The following OSBPL8 variants were observed in gnomAD, a reference collection of about 807,000 sequenced individuals.
OSBPL8 encodes the protein oxysterol-binding protein-related protein 8.
A neutral mutation model predicts 125.5 loss-of-function variants in OSBPL8; 59 were observed. The observed-to-expected ratio is 0.47, with a 90% CI of 0.38 to 0.58. OSBPL8 has a LOEUF of 0.58. OSBPL8 is among the 20% of genes least tolerant of loss of function. The probability of loss-of-function intolerance (pLI) is 0.00; values close to 1 mark genes in which losing one functional copy is unlikely to be tolerated. For missense variants in OSBPL8, 758 were observed against 1,047.8 expected, an observed-to-expected ratio of 0.72 and a Z score of 3.82; for synonymous variants, 330 against 338.9, an observed-to-expected ratio of 0.97 and a Z score of 0.29.
intron 4 of OSBPL8, among the ~76,000 whole-genome samples, chr12:76,420,864 C>T (rs1869389041): frequency 6.6e-6 from 1 of 151,986 alleles, no homozygotes; most frequent in South Asian, 2.1e-4. Context: ...CTTTTTATCA[C>T]AGCTGGTTGT....
Position 76,390,463 on chromosome 12 carries a change from T to C in OSBPL8, c.1124A>G (p.Lys375Arg), listed in dbSNP as rs1043084569. The C allele has an allele frequency of 6.2e-7, 1 of 1,613,798 alleles. No homozygotes were observed. Among genetic ancestry groups the C allele is most frequent in the African/African-American group, 1.3e-5 (1 of 74,914 alleles). Residue 375 changes from lysine to arginine, a missense_variant, in exon 11 of 24, where the codon AAG becomes AGG. Physicochemically the swap from Lys to Arg is conservative, Grantham distance 26. Transcript: ENST00000261183. ...GCTCTGTTCAGTGTAGGTAGTCTCC[T>C]TTAAAGGCTCAACAGGCTCAGGTTC... ...YIEPEPVEPL[K>R]ETTYTEQSHE...
intron 10 of OSBPL8, among the ~76,000 whole-genome samples, chr12:76,391,461 T>C (rs920793891): frequency 2.7e-4 from 41 of 151,890 alleles, no homozygotes; most frequent in Non-Finnish European, 2.2e-4. Flanking sequence ...GGGATTAAGA[T>C]AAAGCTCCAG....
intron 1 of OSBPL8, among the ~76,000 whole-genome samples, chr12:76,517,006 G>A (rs1881610030): frequency 1.3e-5 from 2 of 151,990 alleles, no homozygotes; most frequent in African/African-American, 2.4e-5. Context: ...TAGCGATGGG[G>A]TTTCACCATG....
intron 6 of OSBPL8, among the ~76,000 whole-genome samples, chr12:76,401,919 G>A (rs1954066538): frequency 6.6e-6 from 1 of 152,150 alleles, no homozygotes; most frequent in Admixed American, 6.6e-5. Flanking sequence ...GTTATAATTT[G>A]GATGGGAAAA....
intron 1 of OSBPL8, among the ~76,000 whole-genome samples, chr12:76,526,154 G>A (rs1950163868): frequency 6.6e-6 from 1 of 152,080 alleles, no homozygotes; most frequent in Admixed American, 6.5e-5. Context: ...ACAGAACCTT[G>A]AAACAAATTT....
chr12:76,449,041 TCATGTA>T lies in OSBPL8; in HGVS notation c.217+1804_217+1809del, dbSNP rs1873063989. The stretch of plus-strand genomic sequence containing the variant: ...AATAAAGAAAGAAAGTAGAAAATGA[TCATGTA>T]ACTTACTATTTACAAGGTAGTACTC... On this transcript the variant is annotated intron_variant, in intron 4 of 23. Transcript: ENST00000261183. Among the ~76,000 whole-genome samples, 3 of 152,134 alleles carry T rather than the reference TCATGTA, an allele frequency of 2.0e-5. No homozygotes were observed. The East Asian group carries it at 5.8e-4, about 29-fold the overall frequency.
intron 1 of OSBPL8, among the ~76,000 whole-genome samples, chr12:76,501,213 G>A (rs1290605988): frequency 6.6e-6 from 1 of 152,144 alleles, no homozygotes; most frequent in Non-Finnish European, 1.5e-5. Flanking sequence ...AATAAATGCA[G>A]TGCCTTCCTC....
intron 4 of OSBPL8, among the ~76,000 whole-genome samples, chr12:76,416,265 A>T (rs1275117509): frequency 6.6e-6 from 1 of 152,210 alleles, no homozygotes; most frequent in East Asian, 1.9e-4. Flanking sequence ...AAATAAGGTC[A>T]GATAATATGT....
At chr12:76,511,077 A>C (rs1289015583) in intron 1 of OSBPL8, among the ~76,000 whole-genome samples, 1 of 152,226 alleles carries the variant, frequency 6.6e-6, no homozygotes, top group Non-Finnish European at 1.5e-5. Context: ...TGTTACCTAA[A>C]CCAGTACATA....
At position 76,355,199 on chromosome 12, in the gene OSBPL8, G is replaced by A. The variant is rs1951938112; in HGVS notation, c.*690C>T. 1 of 152,268 alleles carries A rather than the reference G, an allele frequency of 6.6e-6. No homozygotes were observed. The highest frequency in any genetic ancestry group is 6.6e-5 in the Admixed American group (1 of 15,240). The allele number at this position is 152,268 out of a possible 1,614,324, so 9.4% of individuals were successfully genotyped here. On this transcript the variant is annotated 3_prime_UTR_variant, in exon 24 of 24. Coordinates refer to ENST00000261183, the MANE Select transcript of OSBPL8 (RefSeq NM_020841.5). ...AATTGCACACCAGTGTTTTTATACT[G>A]ATATACACGTAAGTATATATATTTA... is the stretch of plus-strand genomic sequence containing the variant.
chr12:76,525,624 C>A (rs1950151805), intron 1 of OSBPL8, among the ~76,000 whole-genome samples: 1 of 152,076 alleles, frequency 6.6e-6, no homozygotes. Flanking sequence ...ACAAAATTAA[C>A]TGCAGATCAA....
intron 1 of OSBPL8, among the ~76,000 whole-genome samples, chr12:76,512,729 A>T (rs756254170): frequency 3.3e-5 from 5 of 152,122 alleles, no homozygotes; most frequent in Non-Finnish European, 5.9e-5. Context: ...AAGAATACTG[A>T]TAGTAGTTTG....
chr12:76,504,210 A>G (rs951963277), intron 1 of OSBPL8, among the ~76,000 whole-genome samples: 6 of 152,004 alleles, frequency 3.9e-5, no homozygotes, highest in African/African-American at 1.4e-4. Flanking sequence ...TGCAAATTTC[A>G]TACTTGCTAG....
intron 6 of OSBPL8, 113 bp downstream of exon 6, chr12:76,402,576 G>T: frequency 2.7e-6 from 2 of 743,190 alleles, no homozygotes; most frequent in Non-Finnish European, 4.5e-6. Context: ...TGTACCACTG[G>T]ATGTTTTTTC....
At chr12:76,377,303 G>A (rs1307450374) in intron 16 of OSBPL8, among the ~76,000 whole-genome samples, 2 of 152,134 alleles carry the variant, frequency 1.3e-5, no homozygotes, top group African/African-American at 2.4e-5. Flanking sequence ...TAATGTGATT[G>A]CTGGGTCAAA....
At chr12:76,405,132 T>C (rs1013450691) in intron 5 of OSBPL8, among the ~76,000 whole-genome samples, 4 of 152,148 alleles carry the variant, frequency 2.6e-5, no homozygotes, top group Non-Finnish European at 4.4e-5. Flanking sequence ...GTTCATATGG[T>C]ATCTTAAAGT....
At chr12:76,401,037 C>T (rs1314165973) in intron 6 of OSBPL8, among the ~76,000 whole-genome samples, 1 of 152,086 alleles carries the variant, frequency 6.6e-6, no homozygotes, top group Non-Finnish European at 1.5e-5. Context: ...GATCCGCCCG[C>T]CTCTCAAAGT....
chr12:76,536,240 G>A (rs911263739), intron 1 of OSBPL8, among the ~76,000 whole-genome samples: 3 of 151,914 alleles, frequency 2.0e-5, no homozygotes, highest in Non-Finnish European at 2.9e-5. Context: ...TAATCCTAGC[G>A]CTTTGGGAAG....
intron 1 of OSBPL8, among the ~76,000 whole-genome samples, chr12:76,555,449 TGCCATGA>T (rs1473606595): frequency 2.0e-5 from 3 of 152,144 alleles, no homozygotes; most frequent in African/African-American, 7.2e-5. Context: ...TTAAACATAA[TGCCATGA>T]GTCATCTAGA....
Sources: allele counts gnomAD v4.1 joint callset (sites outside exome capture counted in the v4.1 genomes callset), GRCh38; gene constraint gnomAD v4.1.1; transcripts MANE v1.5; gene names NCBI Gene and HGNC (gene_info 2026-07-23, HGNC 2026-07-21).